TSHZ2: variants seen among roughly 807,000 people sequenced by gnomAD.
TSHZ2 encodes teashirt homolog 2.
Under a neutral mutation model 74.4 loss-of-function variants are expected in TSHZ2, and 21 were observed. The ratio of observed to expected loss-of-function variants is 0.28; its 90% confidence interval spans 0.20 to 0.41. The LOEUF is 0.41. Ranked by LOEUF, TSHZ2 falls within the 10% of genes least tolerant of loss-of-function variation. TSHZ2 has a pLI of 1.00. For missense variants in TSHZ2, 1,244 were observed against 1,293.5 expected (o/e 0.96, Z 0.59); for synonymous variants, 540 against 515.3 (o/e 1.05, Z -0.65).
intron 1 of TSHZ2, among the ~76,000 whole-genome samples, chr20:53,009,831 A>G (rs1344772636): frequency 3.9e-5 from 6 of 152,178 alleles, no homozygotes; most frequent in Admixed American, 3.3e-4. Context: ...TATTTCCATT[A>G]ATGCAGTGAA....
intron 1 of TSHZ2, among the ~76,000 whole-genome samples, chr20:53,020,712 A>C (rs1229589517): frequency 6.6e-6 from 1 of 152,252 alleles, no homozygotes; most frequent in Non-Finnish European, 1.5e-5. Flanking sequence ...CTGAATAGCC[A>C]AAATCCAAAG....
At chr20:53,394,744 C>A (rs1484005779) in intron 2 of TSHZ2, among the ~76,000 whole-genome samples, 3 of 134,634 alleles carry the variant, frequency 2.2e-5, no homozygotes, top group African/African-American at 6.2e-5. Flanking sequence ...AAGCAAACAT[C>A]ACTAATCAAT....
rs1479558944 is a variant in TSHZ2 at position 53,293,700 on chromosome 20, C to CAG, written c.*8+37130_*8+37131insGA. ...CTGGTAAATTTTAACAACTGGCTCTCAAAAAAAAAAAAAAAAAAGAAAAGA... is the reference window on the plus strand; with the variant it reads ...CTGGTAAATTTTAACAACTGGCTCTCAGAAAAAAAAAAAAAAAAAAGAAAAGA... On this transcript the variant is annotated intron_variant, in intron 2 of 2. Coordinates refer to ENST00000371497, the MANE Select transcript of TSHZ2 (RefSeq NM_173485.6). Among the ~76,000 whole-genome samples, 4 of 120,244 alleles carry CAG rather than the reference C, an allele frequency of 3.3e-5. No homozygotes were observed. The East Asian group carries it at 1.0e-3, about 30-fold the overall frequency. The allele number at this position is 120,244 out of a possible 152,430, so 78.9% of individuals were successfully genotyped here. A position where few individuals can be genotyped will look rare whatever the true frequency, so the allele number is the denominator to read the frequency against.
chr20:53,291,344 A>G (rs13040134), intron 2 of TSHZ2, among the ~76,000 whole-genome samples: 69,057 of 151,688 alleles, frequency 0.46, 15,915 homozygotes, highest in African/African-American at 0.53. Context: ...ATGGTGGCAC[A>G]CACCTGTATT....
chr20:53,157,029 C>T (rs1039625149), intron 1 of TSHZ2, among the ~76,000 whole-genome samples: 2 of 152,152 alleles, frequency 1.3e-5, no homozygotes, highest in African/African-American at 4.8e-5. Context: ...ACCTGTGACT[C>T]CTGGCATCAC....
intron 1 of TSHZ2, among the ~76,000 whole-genome samples, chr20:53,194,392 G>A (rs543083493): frequency 3.9e-5 from 6 of 152,160 alleles, no homozygotes; most frequent in South Asian, 2.1e-4. Flanking sequence ...ACTAGTCAAC[G>A]TACATTATTG....
At chr20:53,417,241 G>C (rs935726922) in intron 2 of TSHZ2, among the ~76,000 whole-genome samples, 6 of 138,114 alleles carry the variant, frequency 4.3e-5, no homozygotes, top group East Asian at 2.1e-4. Flanking sequence ...GACACACACA[G>C]ACACACACAC....
Position 53,106,391 on chromosome 20 carries a change from C to CTTTTTTTTTTTTT in TSHZ2, c.40+133077_40+133089dup, listed in dbSNP as rs71194458. Among the ~76,000 whole-genome samples the CTTTTTTTTTTTTT allele has an allele frequency of 8.5e-4, 50 of 58,980 alleles. 12 individuals are homozygous for CTTTTTTTTTTTTT. The highest frequency in any genetic ancestry group is 3.0e-3 in the African/African-American group (43 of 14,284). The allele number at this position is 58,980 out of a possible 152,430, so 38.7% of individuals were successfully genotyped here. A position where few individuals can be genotyped will look rare whatever the true frequency, so the allele number is the denominator to read the frequency against. ...TTCCTCTAGGGCCTTCTCACACTTT[C>CTTTTTTTTTTTTT]TTTTTTTTTTTTTTTTTTTTTTTTT... On this transcript the variant is annotated intron_variant, in intron 1 of 2. Transcript: ENST00000371497.
chr20:53,358,184 G>A (rs1248767530), intron 2 of TSHZ2, among the ~76,000 whole-genome samples: 1 of 151,546 alleles, frequency 6.6e-6, no homozygotes, highest in African/African-American at 2.4e-5. Context: ...TAATTTCCCA[G>A]TTTTAGCCTG....
chr20:53,416,066 G>A (rs544088839), intron 2 of TSHZ2, among the ~76,000 whole-genome samples: 20 of 152,310 alleles, frequency 1.3e-4, no homozygotes, highest in Middle Eastern at 3.4e-3. Flanking sequence ...TGCAATTTAG[G>A]AGGGTTGCTC....
At chr20:53,372,955 T>C (rs998189774) in intron 2 of TSHZ2, among the ~76,000 whole-genome samples, 12 of 152,160 alleles carry the variant, frequency 7.9e-5, no homozygotes, top group Admixed American at 2.0e-4. Context: ...AAACTGCCCT[T>C]ACCTTTCCAG....
intron 1 of TSHZ2, among the ~76,000 whole-genome samples, chr20:53,132,565 C>A (rs1018274305): frequency 2.2e-4 from 33 of 152,150 alleles, no homozygotes; most frequent in Non-Finnish European, 4.1e-4. Flanking sequence ...CAGGCATAAG[C>A]CATGACACCC....
chr20:53,070,694 G>C (rs1438179460), intron 1 of TSHZ2, among the ~76,000 whole-genome samples: 1 of 152,150 alleles, frequency 6.6e-6, no homozygotes, highest in Non-Finnish European at 1.5e-5. Flanking sequence ...CAATGTAGTG[G>C]CTTTTATTGT....
intron 1 of TSHZ2, among the ~76,000 whole-genome samples, chr20:53,047,725 GC>G (rs974674149): frequency 2.0e-5 from 3 of 150,594 alleles, no homozygotes; most frequent in Non-Finnish European, 4.4e-5. Context: ...CCATTTTGGA[GC>G]AAAAAAAAAC....
chr20:53,253,358 G>T (rs1990371291), intron 1 of TSHZ2, 141 bp from the exon 2 acceptor site: 6 of 1,184,738 alleles, frequency 5.1e-6, no homozygotes, highest in Non-Finnish European at 6.6e-6. Flanking sequence ...GGCTTTTCCT[G>T]TGTCCACTGC....
rs779211494 is a variant in TSHZ2 at position 52,987,290 on chromosome 20, G to A, written c.40+13957G>A. ...GAAGTTGCTAAAATGCAAATTTGCA[G>A]ATTCCAGACCTACAGCCTAGAGATT... On this transcript the variant is annotated intron_variant, in intron 1 of 2. Transcript: ENST00000371497. Among the ~76,000 whole-genome samples the A allele has an allele frequency of 5.9e-5, 9 of 152,306 alleles. No homozygotes were observed. The South Asian group carries it at 1.7e-3, about 28-fold the overall frequency.
At chr20:53,297,839 A>G (rs1289443308) in intron 2 of TSHZ2, among the ~76,000 whole-genome samples, 2 of 152,238 alleles carry the variant, frequency 1.3e-5, no homozygotes, top group East Asian at 3.9e-4. Context: ...CTAGATAAAT[A>G]TTGCCTGTAA....
chr20:53,481,851 C>T (rs964606072), intron 2 of TSHZ2, among the ~76,000 whole-genome samples: 9 of 152,072 alleles, frequency 5.9e-5, no homozygotes, highest in African/African-American at 2.2e-4. Context: ...CGCCTGTACT[C>T]CCAGCACTTC....
At chr20:52,975,521 G>GT (rs1981300033) in intron 1 of TSHZ2, among the ~76,000 whole-genome samples, 3 of 140,528 alleles carry the variant, frequency 2.1e-5, no homozygotes, top group African/African-American at 8.5e-5. Context: ...GGGTGTGTGG[G>GT]GGTGTGTGTG....
Sources: gnomAD v4.1 joint callset for allele counts (sites outside exome capture counted in the v4.1 genomes callset) on GRCh38, gnomAD v4.1.1 for gene constraint, MANE v1.5 for transcripts, NCBI Gene and HGNC (gene_info 2026-07-23, HGNC 2026-07-21) for gene names.